EPS15L1: variants seen among roughly 807,000 people sequenced by gnomAD.
EPS15L1 encodes the protein epidermal growth factor receptor pathway substrate 15 like 1, also known as epidermal growth factor receptor substrate 15-like 1.
EPS15L1 carries 43 observed loss-of-function variants against 117.1 expected under a neutral mutation model. That is an observed-to-expected ratio of 0.37 (90% confidence interval 0.29 to 0.47). The LOEUF (loss-of-function observed/expected upper bound fraction) is 0.47. Among genes scored for constraint, EPS15L1 ranks in the 20% least tolerant of loss-of-function variants. EPS15L1 has a pLI of 0.99. For missense variants in EPS15L1, 981 were observed against 1,164.0 expected, an observed-to-expected ratio of 0.84 and a Z score of 2.29; for synonymous variants, 459 against 470.5, an observed-to-expected ratio of 0.98 and a Z score of 0.32.
chr19:16,409,963 A>T (rs556651278), intron 13 of EPS15L1, among the ~76,000 whole-genome samples: 1,605 of 113,692 alleles, frequency 0.014, 34 homozygotes, highest in African/African-American at 0.061. Flanking sequence ...AAAAAAAAAA[A>T]TCAGCTATAA....
At chr19:16,407,744 T>C (rs1285856798) in intron 13 of EPS15L1, among the ~76,000 whole-genome samples, 3 of 152,216 alleles carry the variant, frequency 2.0e-5, no homozygotes, top group Non-Finnish European at 4.4e-5. Context: ...TTCTCCCCCA[T>C]TTAGGAACCT....
In EPS15L1 at chr19:16,471,485, G is replaced by C. The variant is rs1214692684; in HGVS notation, c.33+428C>G. Among the ~76,000 whole-genome samples the C allele has an allele frequency of 6.6e-6, 1 of 152,222 alleles. No individual in the cohort carries two copies. The highest frequency in any genetic ancestry group is 1.5e-5 in the Non-Finnish European group (1 of 68,034). ...GTCTGAGATCGCACTGCTGCTGACG[G>C]GTCCGGGCTCCGGCGGGACCCTGCC... On this transcript the variant is annotated intron_variant, in intron 1 of 23. Coordinates refer to ENST00000455140, the MANE Select transcript of EPS15L1 (RefSeq NM_001258374.3). This position sits in a 1 kb window ranked among gnomAD's most constrained non-coding sequence, Gnocchi z 4.8.
In EPS15L1 at chr19:16,371,382, G is replaced by A. The variant is rs1176242525; in HGVS notation, c.2380+5740C>T. ...GTTTGCAAGGGGAAGAATGACTTTT[G>A]TCTTCTTCTTTTGTTGAGAGAGCTG... On this transcript the variant is annotated intron_variant, in intron 22 of 23. Coordinates refer to ENST00000455140, the MANE Select transcript of EPS15L1 (RefSeq NM_001258374.3). This position sits in a 1 kb window ranked among gnomAD's most constrained non-coding sequence, Gnocchi z 4.7. Among the ~76,000 whole-genome samples, 7 of 152,162 alleles carry A rather than the reference G, an allele frequency of 4.6e-5. No homozygotes were observed. Among genetic ancestry groups the A allele is most frequent in the Non-Finnish European group, 1.0e-4 (7 of 68,020 alleles).
chr19:16,444,013 G>C (rs377091063), intron 1 of EPS15L1, among the ~76,000 whole-genome samples: 2 of 144,260 alleles, frequency 1.4e-5, no homozygotes, highest in East Asian at 2.1e-4. Context: ...GCAGTGAGCC[G>C]AGATCGCGCC....
chr19:16,380,418 G>A (rs142126423), intron 21 of EPS15L1, among the ~76,000 whole-genome samples: 6 of 152,238 alleles, frequency 3.9e-5, no homozygotes, highest in Admixed American at 2.6e-4. Flanking sequence ...AGCCGTCTAG[G>A]CTTCTAGCGT....
intron 22 of EPS15L1, among the ~76,000 whole-genome samples, chr19:16,367,782 CAACA>C (rs960563153): frequency 1.9e-4 from 24 of 126,544 alleles, no homozygotes; most frequent in South Asian, 1.0e-3. Flanking sequence ...ACCCAAAAAA[CAACA>C]AACAAACAAA....
intron 19 of EPS15L1, among the ~76,000 whole-genome samples, chr19:16,389,223 G>A (rs1170495065): frequency 6.6e-6 from 1 of 152,136 alleles, no homozygotes; most frequent in Non-Finnish European, 1.5e-5. Flanking sequence ...GAGGGGCTGA[G>A]GCAGGAGGAT....
intron 22 of EPS15L1, among the ~76,000 whole-genome samples, chr19:16,375,318 G>A (rs1040630359): frequency 9.2e-5 from 14 of 152,116 alleles, no homozygotes; most frequent in Non-Finnish European, 1.8e-4. Context: ...GTCTGCAGGC[G>A]TGGAGGATGT....
At chr19:16,450,111 GT>G (rs1289025415) in intron 1 of EPS15L1, among the ~76,000 whole-genome samples, 3 of 152,004 alleles carry the variant, frequency 2.0e-5, no homozygotes, top group African/African-American at 7.2e-5. Flanking sequence ...GCCACGCATG[GT>G]GGCACATGCC....
intron 19 of EPS15L1, among the ~76,000 whole-genome samples, chr19:16,390,746 T>C (rs2144765290): frequency 6.6e-6 from 1 of 152,328 alleles, no homozygotes; most frequent in Non-Finnish European, 1.5e-5. Context: ...TTTTAAGTAA[T>C]CCATAAGTGA....
intron 21 of EPS15L1, 54 bp from the exon 22 acceptor site, chr19:16,377,308 CG>C: frequency 6.3e-7 from 1 of 1,599,702 alleles, no homozygotes. Context: ...ACAAAGGTGA[CG>C]GATGTCCACT....
At chr19:16,464,981 A>C (rs1012262184) in intron 1 of EPS15L1, among the ~76,000 whole-genome samples, 1 of 151,964 alleles carries the variant, frequency 6.6e-6, no homozygotes, top group Non-Finnish European at 1.5e-5. Context: ...CAGGAGGCTG[A>C]GGCAGTAGAA....
intron 22 of EPS15L1, among the ~76,000 whole-genome samples, chr19:16,375,466 ATG>A (rs3082716): frequency 0.73 from 108,308 of 149,250 alleles, 39,508 homozygotes; most frequent in South Asian, 0.79. Context: ...TTATGCATAT[ATG>A]TGTGTGTGTG....
intron 1 of EPS15L1, among the ~76,000 whole-genome samples, chr19:16,455,657 C>T (rs2093188071): frequency 6.6e-6 from 1 of 152,204 alleles, no homozygotes; most frequent in Admixed American, 6.5e-5. Context: ...GAGTCCTGTC[C>T]TGCTGCTGGA....
rs1208614447 is a variant in EPS15L1 at position 16,409,218 on chromosome 19, G to A, written c.1267-4469C>T. 3.9e-5 allele frequency among the ~76,000 whole-genome samples: 6 copies of A among 152,226 alleles called. No individual in the cohort carries two copies. The South Asian group carries it at 6.2e-4, about 16-fold the overall frequency. On this transcript the variant is annotated intron_variant, in intron 13 of 23. Coordinates refer to ENST00000455140, the MANE Select transcript of EPS15L1 (RefSeq NM_001258374.3). ...TGCACTCCAGCCTCGGCAACAGAGC[G>A]AGACTGTCTCTAAAAACAAATTTTT...
chr19:16,394,874 A>T (rs1477593075), intron 17 of EPS15L1, among the ~76,000 whole-genome samples: 2 of 152,092 alleles, frequency 1.3e-5, no homozygotes, highest in Non-Finnish European at 2.9e-5. Flanking sequence ...AACACTTCCC[A>T]CTGTATCTTG....
chr19:16,413,923 AC>A, intron 12 of EPS15L1, 78 bp from the exon 13 acceptor site: 1 of 1,097,378 alleles, frequency 9.1e-7, no homozygotes, highest in Non-Finnish European at 1.4e-6. Flanking sequence ...GATTCTGTTC[AC>A]CCCCACAAAA....
intron 1 of EPS15L1, among the ~76,000 whole-genome samples, chr19:16,464,670 G>T (rs543908265): frequency 6.6e-6 from 1 of 152,116 alleles, no homozygotes; most frequent in Non-Finnish European, 1.5e-5. Flanking sequence ...TAGACCAGGG[G>T]TGTCCAATCT....
chr19:16,356,879 G>GC (rs2091986760), intron 23 of EPS15L1: 1 of 152,110 alleles, frequency 6.6e-6, no homozygotes, highest in South Asian at 2.1e-4. Flanking sequence ...GGCATCATCG[G>GC]CCCCCTCAGG....
Sources: gnomAD v4.1 joint callset for allele counts (sites outside exome capture counted in the v4.1 genomes callset) on GRCh38, gnomAD v4.1.1 for gene constraint, Gnocchi (gnomAD v3.1) non-coding constraint, MANE v1.5 for transcripts, NCBI Gene and HGNC (gene_info 2026-07-23, HGNC 2026-07-21) for gene names.